Variants in SORBS2 observed in about 807,000 individuals in gnomAD.
SORBS2 encodes the protein sorbin and SH3 domain-containing protein 2.
In SORBS2, 46 loss-of-function variants were observed where a neutral mutation model predicts 97.7. That is an observed-to-expected ratio of 0.47 (90% confidence interval 0.37 to 0.60). The LOEUF is 0.60. Among genes scored for constraint, SORBS2 ranks in the 20% least tolerant of loss-of-function variants. The pLI is 0.00. For synonymous variants in SORBS2, 476 were observed against 473.4 expected (o/e 1.01, Z -0.07); for missense variants, 1,316 against 1,282.3 (o/e 1.03, Z -0.40).
chr4:185,692,678 G>A (rs1397766287), intron 2 of SORBS2, among the ~76,000 whole-genome samples: 1 of 152,084 alleles, frequency 6.6e-6, no homozygotes, highest in Non-Finnish European at 1.5e-5. Context: ...GGGGGAAAAT[G>A]ATGAAAGAAA....
intron 2 of SORBS2, among the ~76,000 whole-genome samples, chr4:185,683,499 T>C (rs1041275774): frequency 2.0e-5 from 3 of 152,230 alleles, no homozygotes; most frequent in African/African-American, 4.8e-5. Context: ...CTTGCCTTCA[T>C]TCCTGTTTCT....
intron 1 of SORBS2, among the ~76,000 whole-genome samples, chr4:185,829,130 C>T (rs1036815392): frequency 1.4e-4 from 22 of 152,274 alleles, no homozygotes; most frequent in African/African-American, 3.6e-4. Context: ...TCTTCAATTG[C>T]GAAGATTGCT....
intron 9 of SORBS2, among the ~76,000 whole-genome samples, chr4:185,615,510 C>T (rs916214528): frequency 6.6e-6 from 1 of 150,570 alleles, no homozygotes; most frequent in Non-Finnish European, 1.5e-5. Flanking sequence ...TAGTTCTGCA[C>T]TGATTTTTTT....
intron 2 of SORBS2, among the ~76,000 whole-genome samples, chr4:185,696,575 TCCC>T (rs1313653163): frequency 6.6e-6 from 1 of 152,126 alleles, no homozygotes; most frequent in Non-Finnish European, 1.5e-5. Flanking sequence ...TGCCTCAGCC[TCCC>T]GAGTAGCTGG....
Position 185,593,941 on chromosome 4 carries a change from A to G in SORBS2, c.2797-6T>C. ...GTAAACACAGGACGCTGTGGCTGAA[A>G]TGAAATGATTTTCAATGTAATCAAT... On this transcript the variant is annotated splice_polypyrimidine_tract_variant and splice_region_variant and intron_variant, in intron 12 of 14. Transcript: ENST00000418609. 6.3e-7 allele frequency: 1 copy of G among 1,597,042 alleles called. No homozygotes were observed. The highest frequency in any genetic ancestry group is 8.6e-7 in the Non-Finnish European group (1 of 1,164,518).
At chr4:185,779,863 G>A (rs2099018804) in intron 1 of SORBS2, among the ~76,000 whole-genome samples, 1 of 152,138 alleles carries the variant, frequency 6.6e-6, no homozygotes, top group South Asian at 2.1e-4. Context: ...ACTGGCGTGA[G>A]TTTCAAAGAC....
intron 4 of SORBS2, among the ~76,000 whole-genome samples, chr4:185,665,297 T>C (rs965082830): frequency 2.0e-5 from 3 of 152,194 alleles, no homozygotes; most frequent in African/African-American, 7.2e-5. Context: ...TAATCATTTA[T>C]GTGAGAAAAA....
At chr4:185,752,568 G>A (rs1320952548) in intron 2 of SORBS2, among the ~76,000 whole-genome samples, 2 of 152,118 alleles carry the variant, frequency 1.3e-5, no homozygotes, top group African/African-American at 2.4e-5. Context: ...GAGCCACCGT[G>A]CCCAGCCCTG....
intron 3 of SORBS2, among the ~76,000 whole-genome samples, chr4:185,648,121 T>A (rs2097246356): frequency 6.6e-6 from 1 of 151,020 alleles, no homozygotes; most frequent in Non-Finnish European, 1.5e-5. Context: ...ATTATAAAAT[T>A]TTTATTTGTT....
In SORBS2 at chr4:185,623,137, G is replaced by T. The variant is rs1450024711; in HGVS notation, c.1992C>A (p.Leu664=). Residue 664 remains leucine (L), a synonymous_variant, in exon 7 of 15, where the codon CTC becomes CTA. Coordinates refer to ENST00000418609, the Ensembl canonical transcript of SORBS2. This position sits in a 1 kb window ranked among gnomAD's most constrained non-coding sequence, Gnocchi z 6.4. The stretch of plus-strand genomic sequence containing the variant: ...GAACATCTGGCAGCAGCTCACTGAT[G>T]AGGCGGTGCAGGATGCTGTTGTCCG... 6.2e-7 allele frequency: 1 copy of T among 1,614,196 alleles called. No homozygotes were observed. Among genetic ancestry groups the T allele is most frequent in the Non-Finnish European group, 8.5e-7 (1 of 1,180,038 alleles).
intron 1 of SORBS2, among the ~76,000 whole-genome samples, chr4:185,912,893 T>G (rs1246995350): frequency 3.3e-5 from 5 of 152,216 alleles, no homozygotes; most frequent in Non-Finnish European, 7.3e-5. Context: ...TTTCGAATGT[T>G]ACATAATAAA....
chr4:185,888,330 G>T (rs1390596759), intron 1 of SORBS2, among the ~76,000 whole-genome samples: 1 of 152,086 alleles, frequency 6.6e-6, no homozygotes, highest in East Asian at 1.9e-4. Context: ...GGGTGGTGGG[G>T]GGTTGGAGAG....
intron 11 of SORBS2, among the ~76,000 whole-genome samples, chr4:185,613,958 C>T (rs1259118020): frequency 3.3e-5 from 5 of 152,074 alleles, no homozygotes; most frequent in Admixed American, 6.6e-5. Flanking sequence ...TGCTCTTCAT[C>T]GCACCTGGCT....
At chr4:185,773,197 C>G (rs1173683659) in intron 2 of SORBS2, 4 of 152,164 alleles carry the variant, frequency 2.6e-5, no homozygotes, top group Non-Finnish European at 4.4e-5. Context: ...TTGCACTCAG[C>G]CCTGCAGACC....
chr4:185,938,993 G>C lies in SORBS2; in HGVS notation c.-338+17203C>G, dbSNP rs147912987. On this transcript the variant is annotated intron_variant, in intron 1 of 20. Transcript: ENST00000284776. Reference sequence around the variant, plus strand: ...GCTCAATCAGTATTTAAAACTGCCTGGTGATTCTAACAGATTTCCCGATAA... The same window carrying C: ...GCTCAATCAGTATTTAAAACTGCCTCGTGATTCTAACAGATTTCCCGATAA... Among the ~76,000 whole-genome samples, 82 of 152,226 alleles carry C rather than the reference G, an allele frequency of 5.4e-4. 2 individuals carry two copies. The East Asian group carries it at 0.014, about 25-fold the overall frequency.
At chr4:185,770,304 C>T (rs2098962728) in intron 2 of SORBS2, among the ~76,000 whole-genome samples, 2 of 152,190 alleles carry the variant, frequency 1.3e-5, no homozygotes, top group Non-Finnish European at 2.9e-5. Context: ...ATGGACATGA[C>T]TGCTTATTCT....
chr4:185,614,902 C>G, exon 11 of SORBS2: 1 of 1,614,136 alleles, frequency 6.2e-7, no homozygotes, highest in Non-Finnish European at 8.5e-7. Context: ...CCGATTTCTC[C>G]GGGCTGGGCT....
intron 2 of SORBS2, among the ~76,000 whole-genome samples, chr4:185,742,411 A>T (rs2098733063): frequency 6.6e-6 from 1 of 152,112 alleles, no homozygotes; most frequent in South Asian, 2.1e-4. Context: ...TGCTTCATAG[A>T]TTGTTCTTTT....
At chr4:185,670,497 C>T (rs1163991165) in intron 4 of SORBS2, among the ~76,000 whole-genome samples, 1 of 151,966 alleles carries the variant, frequency 6.6e-6, no homozygotes, top group Non-Finnish European at 1.5e-5. Flanking sequence ...CCTCATTTCT[C>T]AAGGAACATA....
Sources: allele counts gnomAD v4.1 joint callset (sites outside exome capture counted in the v4.1 genomes callset), GRCh38; gene constraint gnomAD v4.1.1; non-coding constraint Gnocchi (gnomAD v3.1); transcripts MANE v1.5; gene names NCBI Gene and HGNC (gene_info 2026-07-23, HGNC 2026-07-21).